Variants in TMEM87A observed in about 807,000 individuals in gnomAD.
TMEM87A encodes the protein transmembrane protein 87A, also known as Golgi-pH regulating cation channel.
In TMEM87A, 50 loss-of-function variants were observed where a neutral mutation model predicts 90.0. The observed-to-expected ratio is 0.56, with a 90% confidence interval of 0.44 to 0.70. The LOEUF (loss-of-function observed/expected upper bound fraction) is 0.70, where lower values mean the gene tolerates loss of function less well. Among genes scored for constraint, TMEM87A ranks in the 30% least tolerant of loss-of-function variants. The pLI, the probability that TMEM87A is intolerant of heterozygous loss-of-function variation, is 0.00. For missense variants in TMEM87A, 577 were observed against 660.5 expected (o/e 0.87, Z 1.39); for synonymous variants, 226 against 226.7 (o/e 1.00, Z 0.03).
At chr15:42,258,339 A>G (rs1404531997) in intron 6 of TMEM87A, 8 of 687,178 alleles carry the variant, frequency 1.2e-5, no homozygotes, top group Non-Finnish European at 1.4e-5. Flanking sequence ...GGTATTATAG[A>G]TTACTATTTT....
intron 3 of TMEM87A, among the ~76,000 whole-genome samples, chr15:42,265,969 T>G (rs2051394683): frequency 1.3e-5 from 2 of 152,006 alleles, no homozygotes; most frequent in Non-Finnish European, 2.9e-5. Flanking sequence ...AAATAGGGAG[T>G]CCTTTCCCCA....
chr15:42,253,313 A>C (rs2051119264), intron 6 of TMEM87A, among the ~76,000 whole-genome samples: 1 of 152,184 alleles, frequency 6.6e-6, no homozygotes, highest in Non-Finnish European at 1.5e-5. Flanking sequence ...TATACACAGA[A>C]GCCTTAAAAA....
chr15:42,229,586 C>T (rs920108627), intron 12 of TMEM87A, among the ~76,000 whole-genome samples: 1 of 100,148 alleles, frequency 1.0e-5, no homozygotes, highest in East Asian at 2.9e-4. Context: ...TAATTATACT[C>T]GTGCCTATAA....
At chr15:42,262,302 C>T (rs1385596813) in intron 4 of TMEM87A, 1 of 152,216 alleles carries the variant, frequency 6.6e-6, no homozygotes. Flanking sequence ...CATCACATTG[C>T]TTCTAGCTTT....
At chr15:42,222,095 T>G (rs953191860) in intron 15 of TMEM87A, among the ~76,000 whole-genome samples, 4 of 152,036 alleles carry the variant, frequency 2.6e-5, no homozygotes, top group Admixed American at 6.6e-5. Context: ...AGAGTTTCAC[T>G]CGTTGTCCAG....
chr15:42,246,621 A>G (rs992617325), intron 6 of TMEM87A, among the ~76,000 whole-genome samples: 1 of 152,112 alleles, frequency 6.6e-6, no homozygotes, highest in African/African-American at 2.4e-5. Flanking sequence ...AAGGACATGA[A>G]CTCATCCTTT....
chr15:42,238,769 A>G (rs1256252343), intron 8 of TMEM87A, among the ~76,000 whole-genome samples: 1 of 64,524 alleles, frequency 1.5e-5, no homozygotes, highest in Non-Finnish European at 4.2e-5. Context: ...TTTTTTTTTT[A>G]AAGAAGGAGC....
chr15:42,228,773 C>T lies in TMEM87A; in HGVS notation c.1179G>A (p.Arg393=), dbSNP rs755969571. Residue 393 remains arginine (R), a synonymous_variant, in exon 13 of 20, where the codon AGG becomes AGA. Transcript: ENST00000389834. The part of the protein sequence containing the change: ...TQTMKLLKLR[R]NIVKLSLYRH... ...GATACAAAGAGAGTTTTACAATGTTCCTCCGAAGTTTTAATAGCTTCATTG... is the reference window on the plus strand; with the variant it reads ...GATACAAAGAGAGTTTTACAATGTTTCTCCGAAGTTTTAATAGCTTCATTG... 5.6e-6 allele frequency: 9 copies of T among 1,607,166 alleles called. No individual in the cohort carries two copies. In the Admixed American group the frequency reaches 1.4e-4, roughly 25 times the overall value.
At chr15:42,243,298 A>G (rs1381413597) in intron 7 of TMEM87A, among the ~76,000 whole-genome samples, 1 of 106,274 alleles carries the variant, frequency 9.4e-6, no homozygotes, top group Non-Finnish European at 2.1e-5. Context: ...ATAAATAAAT[A>G]AATAAATAAA....
At chr15:42,258,024 A>G (rs2051215605) in intron 6 of TMEM87A, 1 of 971,860 alleles carries the variant, frequency 1.0e-6, no homozygotes, top group Non-Finnish European at 1.2e-6. Context: ...ATCAGAAAAT[A>G]AAGACTTAAA....
intron 19 of TMEM87A, among the ~76,000 whole-genome samples, chr15:42,213,964 C>T (rs972731561): frequency 1.3e-5 from 2 of 152,012 alleles, no homozygotes; most frequent in East Asian, 1.9e-4. Context: ...AGATGTTCAA[C>T]GAACTCAGGA....
rs2140927035 is a variant in TMEM87A, at chr15:42,226,622, A to T, written c.1403+184T>A. On this transcript the variant is annotated intron_variant, in intron 15 of 19. Transcript: ENST00000389834. ...GGAAACTAAGGCCAGAGAGGTGGAG[A>T]GGCTGCATGCCAAAAATCATGAAGT... 4 of 570,670 alleles carry T rather than the reference A, an allele frequency of 7.0e-6. No individual in the cohort carries two copies. The East Asian group carries it at 1.1e-4, about 16-fold the overall frequency. The allele number at this position is 570,670 out of a possible 1,614,324, so 35.4% of individuals were successfully genotyped here.
intron 18 of TMEM87A, chr15:42,218,078 G>A (rs2050412044): frequency 1.6e-6 from 1 of 613,638 alleles, no homozygotes; most frequent in African/African-American, 1.9e-5. Context: ...GCCCTGGAAA[G>A]GAACTAAAAA....
chr15:42,235,210 T>C (rs1181259266), intron 10 of TMEM87A, among the ~76,000 whole-genome samples: 1 of 152,178 alleles, frequency 6.6e-6, no homozygotes, highest in Admixed American at 6.5e-5. Flanking sequence ...GGCTAATTTT[T>C]TGTATTTTAG....
At chr15:42,220,258 T>TG in intron 15 of TMEM87A, 123 bp from the exon 16 acceptor site, 1 of 684,646 alleles carries the variant, frequency 1.5e-6, no homozygotes, top group African/African-American at 1.8e-5. Context: ...ATCAGTTTAA[T>TG]AATAATATTT....
intron 17 of TMEM87A, chr15:42,218,951 A>G (rs2050426193): frequency 6.5e-6 from 1 of 153,044 alleles, no homozygotes. Flanking sequence ...CCTGGATCAT[A>G]AGGTAGTTCT....
chr15:42,252,800 C>T (rs1313346163), intron 6 of TMEM87A, among the ~76,000 whole-genome samples: 1 of 146,152 alleles, frequency 6.8e-6, no homozygotes, highest in East Asian at 1.9e-4. Context: ...GCTTCCTCTT[C>T]AAAGCATGTA....
intron 15 of TMEM87A, among the ~76,000 whole-genome samples, chr15:42,226,291 C>T (rs910948746): frequency 1.3e-5 from 2 of 151,838 alleles, no homozygotes; most frequent in African/African-American, 2.4e-5. Flanking sequence ...TGAGCCACCA[C>T]GCCCAGCCCC....
At chr15:42,221,774 A>G (rs1250681759) in intron 15 of TMEM87A, among the ~76,000 whole-genome samples, 1 of 152,122 alleles carries the variant, frequency 6.6e-6, no homozygotes, top group Non-Finnish European at 1.5e-5. Context: ...TTTTTGAGAC[A>G]GGGTCTTGCT....
Sources: gnomAD v4.1 joint callset for allele counts (sites outside exome capture counted in the v4.1 genomes callset) on GRCh38, gnomAD v4.1.1 for gene constraint, MANE v1.5 for transcripts, NCBI Gene and HGNC (gene_info 2026-07-23, HGNC 2026-07-21) for gene names.